The following PIK3C2B variants were observed in gnomAD, a reference collection of about 807,000 sequenced individuals.
PIK3C2B encodes phosphatidylinositol 4-phosphate 3-kinase C2 domain-containing subunit beta.
Under a neutral mutation model 184.3 loss-of-function variants are expected in PIK3C2B, and 83 were observed. The observed-to-expected ratio is 0.45, with a 90% CI of 0.38 to 0.54. The LOEUF is 0.54. Ranked by LOEUF, PIK3C2B falls within the 20% of genes least tolerant of loss-of-function variation. PIK3C2B has a pLI of 0.00. For synonymous variants in PIK3C2B, 779 were observed against 837.6 expected, an observed-to-expected ratio of 0.93 and a Z score of 1.21; for missense variants, 1,736 against 2,113.5, an observed-to-expected ratio of 0.82 and a Z score of 3.50.
At position 204,465,295 on chromosome 1, in the gene PIK3C2B, C is replaced by T; in HGVS notation, c.958G>A (p.Ala320Thr). The stretch of plus-strand genomic sequence containing the variant: ...ACCTCAAACAACTCATGGCCATTGG[C>T]AACAGTGTGGGGCCGGGAGCCCACC... Reference protein sequence around the residue: ...APVGSRPHTVANGHELFEVSE... With the variant: ...APVGSRPHTVTNGHELFEVSE... Residue 320 changes from alanine to threonine, a missense_variant, in exon 3 of 33, where the codon GCC becomes ACC. This residue lies in a region of PIK3C2B where 404 missense variants were observed against 418.0 expected (regional missense o/e 0.97). Coordinates refer to ENST00000684373, the MANE Select transcript of PIK3C2B (RefSeq NM_001377334.1). 1 of 1,613,436 alleles carries T rather than the reference C, an allele frequency of 6.2e-7. No individual in the cohort carries two copies. The highest frequency in any genetic ancestry group is 1.1e-5 in the South Asian group (1 of 91,052).
intron 8 of PIK3C2B, among the ~76,000 whole-genome samples, chr1:204,458,652 C>T (rs12137994): frequency 0.034 from 5,218 of 152,152 alleles, 101 homozygotes; most frequent in Non-Finnish European, 0.05. Context: ...TGCAACCACA[C>T]CCAGTTAATT....
At position 204,423,720 on chromosome 1, in the gene PIK3C2B, A is replaced by T. The variant is rs945223359; in HGVS notation, c.*1132T>A. On this transcript the variant is annotated 3_prime_UTR_variant, in exon 33 of 33. Transcript: ENST00000684373. The stretch of plus-strand genomic sequence containing the variant: ...GCCCCACAGAATGAGGAAAAGTCTT[A>T]TAAAAAGGGTGACAGAAATGGAGTT... 4.6e-5 allele frequency: 7 copies of T among 152,684 alleles called. No homozygotes were observed. Among genetic ancestry groups the T allele is most frequent in the African/African-American group, 1.7e-4 (7 of 41,450 alleles). 9.5% of individuals were successfully genotyped at this position (152,684 alleles called of 1,614,324 possible).
chr1:204,425,790 C>A, intron 31 of PIK3C2B, 49 bp from the exon 32 acceptor site: 2 of 1,557,600 alleles, frequency 1.3e-6, no homozygotes, highest in Non-Finnish European at 1.8e-6. Flanking sequence ...TAACATCTGT[C>A]TCTTCACCAC....
intron 1 of PIK3C2B, among the ~76,000 whole-genome samples, chr1:204,485,480 A>G (rs1291771468): frequency 1.3e-5 from 2 of 151,928 alleles, no homozygotes; most frequent in African/African-American, 4.8e-5. Flanking sequence ...GAAACAGACC[A>G]CTAACTAGTC....
At chr1:204,436,872 A>G (rs1200814985) in intron 23 of PIK3C2B, among the ~76,000 whole-genome samples, 1 of 152,164 alleles carries the variant, frequency 6.6e-6, no homozygotes, top group Non-Finnish European at 1.5e-5. Flanking sequence ...AGTAGAAAGG[A>G]AAAAAATCAT....
intron 1 of PIK3C2B, among the ~76,000 whole-genome samples, chr1:204,471,163 C>G (rs1462320521): frequency 9.6e-5 from 1 of 10,410 alleles, no homozygotes; most frequent in African/African-American, 2.7e-4. Context: ...CACATGATGG[C>G]TTCACTGGTA....
Position 204,447,596 on chromosome 1 carries a change from G to C in PIK3C2B, c.2347-18C>G. ...AAGTCAATCTGGGGGATGAGATCAG[G>C]GATGTGAGGAGAGAAAACAGGCAGC... On this transcript the variant is annotated intron_variant, in intron 14 of 32. Transcript: ENST00000684373. The surrounding 1 kb of genome is among the most constrained non-coding windows in gnomAD (Gnocchi z 4.1). 6.3e-7 allele frequency: 1 copy of C among 1,592,634 alleles called. No individual in the cohort carries two copies. Among genetic ancestry groups the C allele is most frequent in the Non-Finnish European group, 8.5e-7 (1 of 1,169,676 alleles).
In PIK3C2B at chr1:204,433,874, G is replaced by C; in HGVS notation, c.3762C>G (p.Phe1254Leu). Residue 1254 changes from phenylalanine (F) to leucine (L), a missense_variant, in exon 25 of 33, where the codon TTC becomes TTG. By Grantham distance (22) the Phe-to-Leu change is conservative. Coordinates refer to ENST00000684373, the MANE Select transcript of PIK3C2B (RefSeq NM_001377334.1). This position sits in a 1 kb window ranked among gnomAD's most constrained non-coding sequence, Gnocchi z 5.0. ...GGCAGCAAAGGTCAACAAAATCATG[G>C]AAGCGGCTGGAAGGCTTGTCACCCC... is the stretch of plus-strand genomic sequence containing the variant. Reference protein sequence around the residue: ...INGGDKPSSRFHDFVDLCCQA... With the variant: ...INGGDKPSSRLHDFVDLCCQA... 6.2e-7 allele frequency: 1 copy of C among 1,614,150 alleles called. No individual in the cohort carries two copies.
chr1:204,460,707 T>C (rs1655264045), intron 5 of PIK3C2B, 46 bp from the exon 6 acceptor site: 2 of 1,237,692 alleles, frequency 1.6e-6, no homozygotes, highest in Admixed American at 1.7e-5. Flanking sequence ...GGGGACTCAG[T>C]GGCAAGGGAG....
chr1:204,469,860 G>C lies in PIK3C2B; in HGVS notation c.-58C>G. On this transcript the variant is annotated 5_prime_UTR_variant, in exon 2 of 33. Coordinates refer to ENST00000684373, the MANE Select transcript of PIK3C2B (RefSeq NM_001377334.1). ...CTACTTCCTGCCAACGTCAGTTCTGGAGGGTTGTGACATGGTGTCTGGGCG... is the reference window on the plus strand; with the variant it reads ...CTACTTCCTGCCAACGTCAGTTCTGCAGGGTTGTGACATGGTGTCTGGGCG... The C allele has an allele frequency of 8.1e-7, 1 of 1,237,978 alleles. No individual in the cohort carries two copies. The highest frequency in any genetic ancestry group is 1.2e-6 in the Non-Finnish European group (1 of 845,278). The allele number at this position is 1,237,978 out of a possible 1,614,324, so 76.7% of individuals were successfully genotyped here. A position where few individuals can be genotyped will look rare whatever the true frequency, so the allele number is the denominator to read the frequency against.
Position 204,469,075 on chromosome 1 carries a change from G to A in PIK3C2B, c.728C>T (p.Thr243Ile), listed in dbSNP as rs1656069587. The change falls in exon 2 of 33, where the codon ACC (threonine) becomes ATC (isoleucine). Residue 243 changes from threonine (T) to isoleucine (I), a missense_variant. Physicochemically the swap from Thr to Ile is moderately conservative, Grantham distance 89. Coordinates refer to ENST00000684373, the MANE Select transcript of PIK3C2B (RefSeq NM_001377334.1). ...DAITRLNLKSTYDAEMLRDAT... is the reference protein window; with the variant it reads ...DAITRLNLKSIYDAEMLRDAT... ...ATCCCGCAACATCTCCGCATCATAG[G>A]TCGATTTCAAGTTGAGCCTAGTAAT... The A allele has an allele frequency of 1.2e-6, 2 of 1,614,166 alleles. No individual in the cohort carries two copies. The highest frequency in any genetic ancestry group is 1.7e-6 in the Non-Finnish European group (2 of 1,180,026).
chr1:204,445,601 CAA>C (rs11287807), intron 16 of PIK3C2B, among the ~76,000 whole-genome samples: 81 of 121,578 alleles, frequency 6.7e-4, no homozygotes, highest in East Asian at 3.0e-3. Flanking sequence ...GACCCTGTCT[CAA>C]AAAAAAAAAA....
In PIK3C2B at chr1:204,454,776, G is replaced by A. The variant is rs938318903; in HGVS notation, c.1959C>T (p.Tyr653=). The change falls in exon 12 of 33, where the codon TAC becomes TAT. Residue 653 remains tyrosine, a synonymous_variant. Transcript: ENST00000684373. ...IIWATSYEDF[Y]LSCSLSHGGK... ...CGCCATGGCTGAGGGAGCAGGAGAGGTAGAAATCTTCATAGCTATAAAAGA... is the reference window on the plus strand; with the variant it reads ...CGCCATGGCTGAGGGAGCAGGAGAGATAGAAATCTTCATAGCTATAAAAGA... The A allele has an allele frequency of 9.9e-6, 16 of 1,612,566 alleles. No homozygotes were observed. Among genetic ancestry groups the A allele is most frequent in the Admixed American group, 3.3e-5 (2 of 59,994 alleles).
intron 12 of PIK3C2B, among the ~76,000 whole-genome samples, chr1:204,450,898 CCT>C (rs1344152110): frequency 6.6e-6 from 1 of 152,208 alleles, no homozygotes; most frequent in African/African-American, 2.4e-5. Flanking sequence ...ACTGTCACAC[CCT>C]CCTGGCCAGC....
chr1:204,448,354 A>G (rs555879856), intron 14 of PIK3C2B, among the ~76,000 whole-genome samples: 1 of 152,096 alleles, frequency 6.6e-6, no homozygotes, highest in Non-Finnish European at 1.5e-5. Flanking sequence ...CCCCTGCCTC[A>G]GCCTCCCAAA....
chr1:204,429,686 C>T (rs560909010), intron 29 of PIK3C2B, among the ~76,000 whole-genome samples: 11 of 151,094 alleles, frequency 7.3e-5, no homozygotes, highest in African/African-American at 2.7e-4. Flanking sequence ...ATTCTCAGCC[C>T]ATGTGCCTCG....
intron 5 of PIK3C2B, 47 bp from the exon 6 acceptor site, chr1:204,460,708 G>A (rs1380186640): frequency 3.3e-6 from 4 of 1,229,952 alleles, no homozygotes; most frequent in Non-Finnish European, 4.8e-6. Flanking sequence ...GGGACTCAGT[G>A]GCAAGGGAGA....
At chr1:204,468,498 G>A (rs1160958373) in intron 2 of PIK3C2B, among the ~76,000 whole-genome samples, 1 of 152,226 alleles carries the variant, frequency 6.6e-6, no homozygotes. Context: ...CAGAGCAAGC[G>A]GAAGCAACTT....
chr1:204,485,923 C>G (rs1657551137), intron 1 of PIK3C2B, among the ~76,000 whole-genome samples: 1 of 152,036 alleles, frequency 6.6e-6, no homozygotes, highest in African/African-American at 2.4e-5. Flanking sequence ...CTGCACATCC[C>G]CCATGAATAA....
Sources: gnomAD v4.1 joint callset for allele counts (sites outside exome capture counted in the v4.1 genomes callset) on GRCh38, gnomAD v4.1.1 for gene constraint, gnomAD v4.1.1 regional missense constraint, Gnocchi (gnomAD v3.1) non-coding constraint, MANE v1.5 for transcripts, NCBI Gene and HGNC (gene_info 2026-07-23, HGNC 2026-07-21) for gene names.